USP15: variants seen among roughly 807,000 people sequenced by gnomAD.
The protein encoded by USP15 is ubiquitin carboxyl-terminal hydrolase 15.
A neutral mutation model predicts 127.1 loss-of-function variants in USP15; 18 were observed. The observed-to-expected ratio is 0.14, with a 90% CI of 0.10 to 0.21. The LOEUF is 0.21. Among genes scored for constraint, USP15 ranks in the 10% least tolerant of loss-of-function variants. The probability of loss-of-function intolerance (pLI) is 1.00; values close to 1 mark genes in which losing one functional copy is unlikely to be tolerated. For synonymous variants in USP15, 364 were observed against 393.7 expected (o/e 0.92, Z 0.89); for missense variants, 805 against 1,159.9 (o/e 0.69, Z 4.44).
chr12:62,342,402 T>C (rs1003397965), intron 6 of USP15, among the ~76,000 whole-genome samples: 2 of 151,856 alleles, frequency 1.3e-5, no homozygotes, highest in African/African-American at 2.4e-5. Context: ...CCTTCTGAAA[T>C]CTTTTGTTAA....
chr12:62,387,649 G>C (rs2067194802), intron 11 of USP15, among the ~76,000 whole-genome samples: 2 of 152,058 alleles, frequency 1.3e-5, no homozygotes, highest in Admixed American at 6.6e-5. Context: ...TAAATAAAGA[G>C]GCGAAGACAA....
At chr12:62,369,854 A>C (rs1274475955) in intron 8 of USP15, among the ~76,000 whole-genome samples, 1 of 152,202 alleles carries the variant, frequency 6.6e-6, no homozygotes, top group Non-Finnish European at 1.5e-5. Flanking sequence ...TTCCTTTTAT[A>C]CTTACAGTAG....
intron 9 of USP15, among the ~76,000 whole-genome samples, chr12:62,381,969 A>C (rs896702573): frequency 6.6e-6 from 1 of 152,030 alleles, no homozygotes; most frequent in African/African-American, 2.4e-5. Context: ...GACAGCAATG[A>C]GCGTTTGTAT....
intron 1 of USP15, among the ~76,000 whole-genome samples, chr12:62,265,079 TAGTG>T (rs1464167143): frequency 1.3e-5 from 2 of 152,200 alleles, no homozygotes; most frequent in Non-Finnish European, 2.9e-5. Context: ...TGACTTCTGT[TAGTG>T]AGTCCAGGGT....
In USP15 at chr12:62,342,188, C is replaced by T. The variant is rs145890689; in HGVS notation, c.684-7033C>T. On this transcript the variant is annotated intron_variant, in intron 6 of 21. Coordinates refer to ENST00000280377, the MANE Select transcript of USP15 (RefSeq NM_001252078.2). ...CTTCAATCTGTGGTATCCTTTCTTC[C>T]GCTTGATCGATTGAGCTATTGATAC... is the stretch of plus-strand genomic sequence containing the variant. Among the ~76,000 whole-genome samples, 148 of 151,926 alleles carry T rather than the reference C, an allele frequency of 9.7e-4. 1 individual carries two copies. The highest frequency in any genetic ancestry group is 2.9e-3 in the African/African-American group (120 of 41,420).
At chr12:62,332,169 GAAAA>G (rs909177150) in intron 6 of USP15, among the ~76,000 whole-genome samples, 2 of 101,124 alleles carry the variant, frequency 2.0e-5, no homozygotes, top group East Asian at 2.9e-4. Flanking sequence ...GTCTCAAAAA[GAAAA>G]AAAAAAAAAA....
At chr12:62,391,780 T>C (rs1003297237) in intron 16 of USP15, 36 bp from the exon 17 acceptor site, 7 of 1,512,782 alleles carry the variant, frequency 4.6e-6, no homozygotes, top group Admixed American at 1.9e-5. Context: ...CTAAGACATA[T>C]TAAATTTTAA....
intron 8 of USP15, among the ~76,000 whole-genome samples, chr12:62,370,265 C>T (rs1188339552): frequency 6.6e-6 from 1 of 152,180 alleles, no homozygotes; most frequent in Non-Finnish European, 1.5e-5. Flanking sequence ...TCTTCACTGT[C>T]TTTCTTCCTT....
chr12:62,289,215 C>CTTGTTGTTGTTGTTGTTGTTG (rs143937716), intron 1 of USP15, among the ~76,000 whole-genome samples: 6 of 150,652 alleles, frequency 4.0e-5, no homozygotes, highest in South Asian at 2.1e-4. Context: ...CTCTCCTGAG[C>CTTGTTGTTGTTGTTGTTGTTG]TTGTTGTTGT....
At chr12:62,272,307 T>C (rs984618763) in intron 1 of USP15, among the ~76,000 whole-genome samples, 3 of 151,948 alleles carry the variant, frequency 2.0e-5, no homozygotes, top group Admixed American at 6.6e-5. Context: ...TTTGTGTATT[T>C]TTTTACTTAT....
chr12:62,293,051 G>A (rs541672898), intron 1 of USP15, among the ~76,000 whole-genome samples: 201 of 152,242 alleles, frequency 1.3e-3, no homozygotes, highest in Non-Finnish European at 2.5e-3. Flanking sequence ...GGGAAGGTGA[G>A]CAACCCAGCG....
At chr12:62,389,774 T>C (rs1481682451) in intron 13 of USP15, 23 bp from the exon 14 acceptor site, 1 of 1,603,028 alleles carries the variant, frequency 6.2e-7, no homozygotes, top group African/African-American at 1.3e-5. Flanking sequence ...TTTGAGAGTT[T>C]ATGGTCAGTT....
At chr12:62,285,486 G>T (rs1037383728) in intron 1 of USP15, among the ~76,000 whole-genome samples, 1 of 151,462 alleles carries the variant, frequency 6.6e-6, no homozygotes, top group Admixed American at 6.6e-5. Context: ...GTGTATGTGT[G>T]TGTGTACATG....
chr12:62,288,713 A>G (rs976910836), intron 1 of USP15, among the ~76,000 whole-genome samples: 1 of 151,960 alleles, frequency 6.6e-6, no homozygotes, highest in African/African-American at 2.4e-5. Flanking sequence ...CATTCGTATG[A>G]TATTGGTTGT....
At chr12:62,350,421 A>C (rs1008273423) in intron 7 of USP15, among the ~76,000 whole-genome samples, 3 of 152,178 alleles carry the variant, frequency 2.0e-5, no homozygotes, top group African/African-American at 7.2e-5. Context: ...GGTTGAGAAA[A>C]TTGGCTCATA....
chr12:62,274,480 CA>C (rs1187090057), intron 1 of USP15, among the ~76,000 whole-genome samples: 1 of 149,950 alleles, frequency 6.7e-6, no homozygotes, highest in Admixed American at 6.7e-5. Context: ...CCTGTCCCTA[CA>C]AAAAATTTTT....
intron 20 of USP15, among the ~76,000 whole-genome samples, chr12:62,396,736 T>A (rs2067503064): frequency 6.6e-6 from 1 of 152,168 alleles, no homozygotes; most frequent in South Asian, 2.1e-4. Context: ...TTTATATAAT[T>A]GGTACTGTGC....
At chr12:62,367,738 G>GT (rs935010034) in intron 8 of USP15, among the ~76,000 whole-genome samples, 2 of 129,154 alleles carry the variant, frequency 1.5e-5, no homozygotes, top group African/African-American at 5.1e-5. Context: ...TGTCTATTTT[G>GT]TTTATCTTTT....
Position 62,384,107 on chromosome 12 carries a change from T to C in USP15, c.1278T>C (p.His426=), listed in dbSNP as rs779056024. Residue 426 remains histidine, a synonymous_variant, in exon 11 of 22, where the codon CAT becomes CAC. Transcript: ENST00000280377. ...KVVAEEAWEN[H]LKRNDSIIVD... ...TTGCCGAAGAAGCCTGGGAAAACCA[T>C]TTAAAACGAAATGATTCTATCATAG... The C allele has an allele frequency of 1.9e-6, 3 of 1,612,734 alleles. No individual in the cohort carries two copies. The highest frequency in any genetic ancestry group is 2.2e-5 in the East Asian group (1 of 44,826).
Sources: gnomAD v4.1 joint callset for allele counts (sites outside exome capture counted in the v4.1 genomes callset) on GRCh38, gnomAD v4.1.1 for gene constraint, MANE v1.5 for transcripts, NCBI Gene and HGNC (gene_info 2026-07-23, HGNC 2026-07-21) for gene names.